Variants in MRPL23 observed in about 807,000 individuals in gnomAD.
MRPL23 encodes the protein large ribosomal subunit protein uL23m.
For missense variants in MRPL23, 25 were observed against 81.3 expected (o/e 0.31, Z 2.66); for synonymous variants, 12 against 34.8 (o/e 0.35, Z 2.30).
downstream of MRPL23, among the ~76,000 whole-genome samples, chr11:1,960,152 A>G (rs1485566718): frequency 1.5e-5 from 1 of 68,594 alleles, no homozygotes; most frequent in Admixed American, 2.2e-4. Flanking sequence ...TCTACGGCCC[A>G]CAGGAGCCCA....
Position 1,953,694 on chromosome 11 carries a change from C to T in MRPL23, c.297+839C>T, listed in dbSNP as rs183551760. On this transcript the variant is annotated intron_variant, in intron 4 of 4. Coordinates refer to ENST00000397298, the MANE Select transcript of MRPL23 (RefSeq NM_021134.4). ...TGTAAATGGTCCCTGGAGGCCGAGC[C>T]GGCGGGCCCTGCCACTAGATGGCAG... Among the ~76,000 whole-genome samples, 5 of 99,544 alleles carry T rather than the reference C, an allele frequency of 5.0e-5. 1 individual carries two copies. In the East Asian group the frequency reaches 1.5e-3, roughly 30 times the overall value. 65.3% of individuals were successfully genotyped at this position (99,544 alleles called of 152,430 possible). A position where few individuals can be genotyped will look rare whatever the true frequency, so the allele number is the denominator to read the frequency against.
At chr11:1,971,098 G>A (rs1281749120) in intron 4 of MRPL23, among the ~76,000 whole-genome samples, 2 of 145,646 alleles carry the variant, frequency 1.4e-5, no homozygotes, top group African/African-American at 4.9e-5. Context: ...CCGGGGCCCC[G>A]GCCTGGCCAC....
chr11:1,988,821 C>G (rs1371634218), downstream of MRPL23, among the ~76,000 whole-genome samples: 1 of 144,776 alleles, frequency 6.9e-6, no homozygotes, highest in East Asian at 2.0e-4. Context: ...GGACATCACT[C>G]ACTGGGTGAC....
At chr11:1,992,596 AC>A in the MRPL23 span, among the ~76,000 whole-genome samples, 1 of 46,000 alleles carries the variant, frequency 2.2e-5, no homozygotes. Flanking sequence ...GCAGGCAGCC[AC>A]AACCCTCACC....
the MRPL23 span, among the ~76,000 whole-genome samples, chr11:1,994,212 C>T: frequency 3.2e-5 from 3 of 92,464 alleles, no homozygotes; most frequent in African/African-American, 8.3e-5. Context: ...ATGGGGAGGC[C>T]GGGACCCCAC....
intron 4 of MRPL23, among the ~76,000 whole-genome samples, chr11:1,972,068 ACTTT>A (rs1457847155): frequency 1.2e-4 from 1 of 8,350 alleles, no homozygotes; most frequent in East Asian, 1.8e-3. Flanking sequence ...GCCTCTGTCC[ACTTT>A]CTTTCTCCCC....
chr11:1,994,276 C>T, the MRPL23 span, among the ~76,000 whole-genome samples: 8 of 98,240 alleles, frequency 8.1e-5, 1 homozygote, highest in African/African-American at 1.9e-4. Context: ...AGCGAGGGGC[C>T]GGGAGCTGGG....
At chr11:1,983,985 C>G (rs536779346) in intron 5 of MRPL23, 2 of 112,892 alleles carry the variant, frequency 1.8e-5, no homozygotes, top group Non-Finnish European at 4.0e-5. Context: ...GCCCTGCTCA[C>G]TCTCCTCAGC....
downstream of MRPL23, among the ~76,000 whole-genome samples, chr11:1,967,396 AG>A (rs1856556975): frequency 9.7e-6 from 1 of 103,246 alleles, no homozygotes; most frequent in African/African-American, 4.0e-5. Flanking sequence ...CTGCTGGAGG[AG>A]GGGGCGCCCG....
chr11:1,991,549 A>ATC, the MRPL23 span, among the ~76,000 whole-genome samples: 73 of 8,062 alleles, frequency 9.1e-3, 9 homozygotes, highest in Admixed American at 0.012. Flanking sequence ...CTTGTCAGGC[A>ATC]TCACACACAC....
chr11:1,992,888 C>A, the MRPL23 span, among the ~76,000 whole-genome samples: 23 of 114,660 alleles, frequency 2.0e-4, 2 homozygotes, highest in East Asian at 5.5e-3. Context: ...CGAGGCTGAG[C>A]ACCTGCTGCG....
chr11:1,959,940 C>T (rs796706270), downstream of MRPL23, among the ~76,000 whole-genome samples: 8 of 130,246 alleles, frequency 6.1e-5, no homozygotes, highest in African/African-American at 1.6e-4. Context: ...GGCAACAGGA[C>T]GAGGGAGAGA....
downstream of MRPL23, among the ~76,000 whole-genome samples, chr11:1,988,917 A>G (rs1856844172): frequency 1.4e-5 from 2 of 145,008 alleles, 1 homozygote; most frequent in South Asian, 5.1e-4. Context: ...CGCTTGCCCC[A>G]CAGACGGGCC....
chr11:1,994,308 C>T, the MRPL23 span, among the ~76,000 whole-genome samples: 1 of 98,012 alleles, frequency 1.0e-5, no homozygotes, highest in Admixed American at 1.0e-4. Context: ...AGGGAGCTGC[C>T]GGCCACTGGC....
rs1856283852 is a variant in MRPL23, at chr11:1,950,613, C to CCG, written c.18-286_18-285insCG. ...GCGGGGGTCTGCAGGGTTAGCTACC[C>CCG]TGTTTCCCGCCCACCCCTGTTGTGA... On this transcript the variant is annotated intron_variant, in intron 1 of 4. Coordinates refer to ENST00000397298, the MANE Select transcript of MRPL23 (RefSeq NM_021134.4). Among the ~76,000 whole-genome samples the CCG allele has an allele frequency of 6.0e-4, 19 of 31,926 alleles. 4 individuals carry two copies. The highest frequency in any genetic ancestry group is 1.3e-3 in the African/African-American group (19 of 14,510). 20.9% of individuals were successfully genotyped at this position (31,926 alleles called of 152,430 possible).
downstream of MRPL23, among the ~76,000 whole-genome samples, chr11:1,959,815 AC>A (rs1040117251): frequency 7.8e-5 from 5 of 64,014 alleles, no homozygotes; most frequent in African/African-American, 2.7e-4. Context: ...AGGGACCCTG[AC>A]CCAAGAGATA....
downstream of MRPL23, among the ~76,000 whole-genome samples, chr11:1,957,956 G>A (rs76721931): frequency 0.072 from 7,714 of 106,880 alleles, 1,225 homozygotes; most frequent in South Asian, 0.09. Context: ...CTCCGGCTTT[G>A]GGGTTGGGAA....
intron 1 of MRPL23, among the ~76,000 whole-genome samples, chr11:1,950,442 G>A (rs191902288): frequency 1.2e-4 from 1 of 8,246 alleles, no homozygotes; most frequent in East Asian, 3.9e-3. Context: ...GGTCAACAGC[G>A]CATGCTCCTT....
At chr11:1,983,945 G>A (rs528829690) in intron 5 of MRPL23, 1 of 121,060 alleles carries the variant, frequency 8.3e-6, no homozygotes, top group South Asian at 3.6e-4. Context: ...AAGGCGGGTG[G>A]GGACCGCCCT....
Sources: gnomAD v4.1 joint callset for allele counts (sites outside exome capture counted in the v4.1 genomes callset) on GRCh38, gnomAD v4.1.1 for gene constraint, MANE v1.5 for transcripts, NCBI Gene and HGNC (gene_info 2026-07-23, HGNC 2026-07-21) for gene names.